BCL11A: variants seen among roughly 807,000 people sequenced by gnomAD.
BCL11A encodes B cell CLL/lymphoma 11A.
A neutral mutation model predicts 55.9 loss-of-function variants in BCL11A; 2 were observed. That is an observed-to-expected ratio of 0.04 (90% confidence interval 0.01 to 0.11). The LOEUF (loss-of-function observed/expected upper bound fraction) is 0.11, where lower values mean the gene tolerates loss of function less well. Ranked by LOEUF, BCL11A falls within the 10% of genes least tolerant of loss-of-function variation. The probability of loss-of-function intolerance (pLI) is 1.00; values close to 1 mark genes in which losing one functional copy is unlikely to be tolerated. For missense variants in BCL11A, 817 were observed against 1,137.1 expected, an observed-to-expected ratio of 0.72 and a Z score of 4.05; for synonymous variants, 465 against 473.4, an observed-to-expected ratio of 0.98 and a Z score of 0.23.
In BCL11A at chr2:60,458,675, CT is replaced by C; in HGVS notation, c.*1728del. ...CAATTTTTTTTCAGCATTCTTGCAA[CT>C]TTTCCCTTAAGTATAGACCTGTAAA... On this transcript the variant is annotated 3_prime_UTR_variant, in exon 4 of 4. Coordinates refer to ENST00000642384, the MANE Select transcript of BCL11A (RefSeq NM_022893.4). 2 of 1,027,868 alleles carry C rather than the reference CT, an allele frequency of 1.9e-6. No individual in the cohort carries two copies. The highest frequency in any genetic ancestry group is 2.3e-6 in the Non-Finnish European group (2 of 855,460). The allele number at this position is 1,027,868 out of a possible 1,614,324, so 63.7% of individuals were successfully genotyped here.
At position 60,496,774 on chromosome 2, in the gene BCL11A, G is replaced by GCTCT. The variant is rs10657650; in HGVS notation, c.386-27945_386-27942dup. On this transcript the variant is annotated intron_variant, in intron 2 of 3. Transcript: ENST00000642384. ...TCCCACTCTAGGTTCCACTGTGAGT[G>GCTCT]CTCTCTCTCTCTCTCTCTCTCACTA... 9.2e-4 allele frequency among the ~76,000 whole-genome samples: 137 copies of GCTCT among 149,312 alleles called. 2 individuals are homozygous for GCTCT. In the Middle Eastern group the frequency reaches 0.011, roughly 12 times the overall value.
chr2:60,549,327 C>T (rs1023508843), intron 1 of BCL11A, among the ~76,000 whole-genome samples: 8 of 151,976 alleles, frequency 5.3e-5, no homozygotes, highest in Admixed American at 2.0e-4. Context: ...TGCCGGGGAG[C>T]GGAGGGGGAG....
intron 2 of BCL11A, among the ~76,000 whole-genome samples, chr2:60,492,680 G>C (rs1194669090): frequency 6.6e-6 from 1 of 151,778 alleles, no homozygotes; most frequent in African/African-American, 2.4e-5. Flanking sequence ...AGAATACAAA[G>C]GGCATTCTCA....
intron 3 of BCL11A, among the ~76,000 whole-genome samples, chr2:60,467,906 A>C (rs1051531127): frequency 2.4e-4 from 2 of 8,488 alleles, no homozygotes; most frequent in Non-Finnish European, 5.7e-4. Flanking sequence ...GGTGGTGGTA[A>C]TGGTGGTGGT....
intron 1 of BCL11A, chr2:60,549,879 C>T (rs1670323164): frequency 6.6e-6 from 1 of 152,310 alleles, no homozygotes; most frequent in Non-Finnish European, 1.5e-5. Flanking sequence ...TCTGCAAATG[C>T]ATTTCCCCCG....
At chr2:60,548,155 T>C (rs1039993542) in intron 1 of BCL11A, among the ~76,000 whole-genome samples, 2 of 152,232 alleles carry the variant, frequency 1.3e-5, no homozygotes, top group African/African-American at 2.4e-5. Context: ...ATATTCCTGT[T>C]GTCTGAATTA....
intron 2 of BCL11A, among the ~76,000 whole-genome samples, chr2:60,518,161 T>A (rs1229023456): frequency 6.6e-6 from 1 of 152,206 alleles, no homozygotes; most frequent in African/African-American, 2.4e-5. Flanking sequence ...AAATAATTGC[T>A]GAGATTTAGC....
At chr2:60,474,160 T>C (rs1264561126) in intron 2 of BCL11A, among the ~76,000 whole-genome samples, 1 of 152,238 alleles carries the variant, frequency 6.6e-6, no homozygotes, top group Non-Finnish European at 1.5e-5. Context: ...TTAAGAGTTC[T>C]CCTCCTAGGC....
chr2:60,473,598 G>C (rs1390685168), intron 2 of BCL11A, among the ~76,000 whole-genome samples: 1 of 152,216 alleles, frequency 6.6e-6, no homozygotes, highest in Non-Finnish European at 1.5e-5. Flanking sequence ...GCTAGTCTGA[G>C]CTAGAGGCTT....
chr2:60,525,171 T>G (rs1307311800), intron 2 of BCL11A: 2 of 152,250 alleles, frequency 1.3e-5, no homozygotes, highest in Admixed American at 1.3e-4. Flanking sequence ...TTCAGTCAGT[T>G]AATTGAATTT....
chr2:60,510,793 G>T (rs1679936395), intron 2 of BCL11A, among the ~76,000 whole-genome samples: 1 of 152,126 alleles, frequency 6.6e-6, no homozygotes, highest in Admixed American at 6.5e-5. Context: ...CCCAACCTGG[G>T]GGCACTTTAG....
At chr2:60,452,411 G>T, downstream of BCL11A, 1 of 583,268 alleles carries the variant, frequency 1.7e-6, no homozygotes, top group Non-Finnish European at 3.0e-6. Flanking sequence ...AAATAAAATG[G>T]CGCTGCAGGC....
downstream of BCL11A, chr2:60,452,649 T>G: frequency 6.2e-7 from 1 of 1,613,604 alleles, no homozygotes; most frequent in Non-Finnish European, 8.5e-7. Flanking sequence ...CTACGCCGAA[T>G]GGGGGTGTGT....
intron 2 of BCL11A, among the ~76,000 whole-genome samples, chr2:60,471,909 A>C (rs1266738865): frequency 6.6e-6 from 1 of 152,094 alleles, no homozygotes; most frequent in Non-Finnish European, 1.5e-5. Context: ...ATGTTGAATA[A>C]ATTCTCCAGG....
In BCL11A at chr2:60,546,227, A is replaced by G. The variant is rs1200576273; in HGVS notation, c.129T>C (p.His43=). The G allele has an allele frequency of 2.5e-6, 4 of 1,614,106 alleles. No individual in the cohort carries two copies. The African/African-American group carries it at 4.0e-5, about 16-fold the overall frequency. Residue 43 remains histidine (H), a synonymous_variant, in exon 2 of 4, where the codon CAT becomes CAC. Transcript: ENST00000642384. This position sits in a 1 kb window ranked among gnomAD's most constrained non-coding sequence, Gnocchi z 4.1. ...GGCACTGCCCACAGGTGAGGAGGTC[A>G]TGATCCCCTTCTGGAGCTCCCAACG... ...HGPLGAPEGD[H]DLLTCGQCQM... is the part of the protein sequence containing the mutation.
chr2:60,501,505 C>CTTTTTTTTTTT (rs11366853), intron 2 of BCL11A, among the ~76,000 whole-genome samples: 1 of 119,726 alleles, frequency 8.4e-6, no homozygotes. Flanking sequence ...ACACCGCTTT[C>CTTTTTTTTTTT]TTTTTTTTTT....
chr2:60,514,496 A>T (rs992945248), intron 2 of BCL11A, among the ~76,000 whole-genome samples: 2 of 48,076 alleles, frequency 4.2e-5, no homozygotes, highest in East Asian at 4.6e-4. Context: ...ATCTCTACTT[A>T]AAAAAAAAAA....
intron 1 of BCL11A, among the ~76,000 whole-genome samples, chr2:60,552,775 A>G (rs1670475099): frequency 6.8e-6 from 1 of 146,632 alleles, no homozygotes; most frequent in Admixed American, 6.8e-5. Context: ...CTACCCCCCC[A>G]TTTTCTTACG....
intron 2 of BCL11A, among the ~76,000 whole-genome samples, chr2:60,477,411 T>G (rs1334322005): frequency 6.6e-6 from 1 of 152,032 alleles, no homozygotes; most frequent in Admixed American, 6.6e-5. Context: ...TTTCGATCGG[T>G]CTTGAGAAAA....
Sources: allele counts gnomAD v4.1 joint callset (sites outside exome capture counted in the v4.1 genomes callset), GRCh38; gene constraint gnomAD v4.1.1; non-coding constraint Gnocchi (gnomAD v3.1); transcripts MANE v1.5; gene names NCBI Gene and HGNC (gene_info 2026-07-23, HGNC 2026-07-21).